The following DNAAF9 variants were observed in gnomAD, a reference collection of about 807,000 sequenced individuals.
DNAAF9 encodes shulin.
A neutral mutation model predicts 167.0 loss-of-function variants in DNAAF9; 90 were observed. The ratio of observed to expected loss-of-function variants is 0.54; its 90% CI spans 0.45 to 0.64. The LOEUF (loss-of-function observed/expected upper bound fraction) is 0.64, where lower values mean the gene tolerates loss of function less well. Ranked by LOEUF, DNAAF9 falls within the 30% of genes least tolerant of loss-of-function variation. The probability of loss-of-function intolerance (pLI) is 0.00; values close to 1 mark genes in which losing one functional copy is unlikely to be tolerated. For missense variants in DNAAF9, 1,315 were observed against 1,442.2 expected (o/e 0.91, Z 1.43); for synonymous variants, 491 against 508.8 (o/e 0.96, Z 0.47).
chr20:3,348,453 A>G lies in DNAAF9; in HGVS notation c.789+72T>C, dbSNP rs151126982. ...TTGATAGTGTTGTATTTTGAAAAAAATTTAATAAAAAATTAAAACAATAAA... is the reference window on the plus strand; with the variant it reads ...TTGATAGTGTTGTATTTTGAAAAAAGTTTAATAAAAAATTAAAACAATAAA... On this transcript the variant is annotated intron_variant, in intron 8 of 36. Coordinates refer to ENST00000252032, the MANE Select transcript of DNAAF9 (RefSeq NM_001009984.3). The G allele has an allele frequency of 3.0e-3, 2,550 of 836,484 alleles. 34 individuals carry two copies. In the African/African-American group the frequency reaches 0.04, roughly 13 times the overall value. The allele number at this position is 836,484 out of a possible 1,614,324, so 51.8% of individuals were successfully genotyped here. A position where few individuals can be genotyped will look rare whatever the true frequency, so the allele number is the denominator to read the frequency against.
intron 31 of DNAAF9, among the ~76,000 whole-genome samples, chr20:3,261,379 AT>A (rs1471176583): frequency 1.3e-5 from 2 of 150,164 alleles, no homozygotes; most frequent in African/African-American, 4.9e-5. Flanking sequence ...ATTTTATTTT[AT>A]TTTTTTGAGA....
intron 29 of DNAAF9, among the ~76,000 whole-genome samples, chr20:3,271,617 T>G (rs2068593827): frequency 7.1e-6 from 1 of 140,110 alleles, no homozygotes; most frequent in African/African-American, 2.9e-5. Context: ...AATTTTTATT[T>G]ACTTCTTCTT....
At chr20:3,283,933 TCCA>T (rs1404818577) in intron 27 of DNAAF9, among the ~76,000 whole-genome samples, 1 of 152,136 alleles carries the variant, frequency 6.6e-6, no homozygotes, top group Non-Finnish European at 1.5e-5. Flanking sequence ...TTCATTAATT[TCCA>T]TTGACTTTAA....
At chr20:3,274,491 T>C (rs566133623) in intron 29 of DNAAF9, among the ~76,000 whole-genome samples, 3 of 152,198 alleles carry the variant, frequency 2.0e-5, no homozygotes, top group Non-Finnish European at 4.4e-5. Context: ...GCTACCATAA[T>C]GTAAAGACTA....
chr20:3,400,272 T>A (rs916923531), intron 1 of DNAAF9, among the ~76,000 whole-genome samples: 1 of 152,138 alleles, frequency 6.6e-6, no homozygotes, highest in South Asian at 2.1e-4. Flanking sequence ...CTGAGTTGGA[T>A]CCTGGAACAG....
chr20:3,349,035 C>T (rs554349486), intron 7 of DNAAF9, among the ~76,000 whole-genome samples: 2 of 151,726 alleles, frequency 1.3e-5, no homozygotes, highest in South Asian at 2.1e-4. Context: ...TATTATGGTA[C>T]ATAAATTATA....
intron 7 of DNAAF9, among the ~76,000 whole-genome samples, chr20:3,350,821 G>A (rs904276443): frequency 2.6e-5 from 4 of 152,128 alleles, no homozygotes; most frequent in Admixed American, 1.3e-4. Flanking sequence ...CGTCACTGAA[G>A]ATGGTAGTAA....
chr20:3,356,683 G>A (rs905478502), intron 7 of DNAAF9, among the ~76,000 whole-genome samples: 2 of 152,008 alleles, frequency 1.3e-5, no homozygotes, highest in African/African-American at 4.8e-5. Flanking sequence ...GACTGTTACA[G>A]TCTGTTCTAT....
chr20:3,378,399 G>A (rs572928926), intron 3 of DNAAF9, among the ~76,000 whole-genome samples: 29 of 152,342 alleles, frequency 1.9e-4, no homozygotes, highest in African/African-American at 6.7e-4. Context: ...CCAGTGGAAA[G>A]AGCTTCTATA....
chr20:3,288,928 C>T (rs1374048269), intron 26 of DNAAF9, among the ~76,000 whole-genome samples: 1 of 152,152 alleles, frequency 6.6e-6, no homozygotes, highest in Non-Finnish European at 1.5e-5. Context: ...GCACTCCCAG[C>T]CCTCTACATT....
intron 9 of DNAAF9, among the ~76,000 whole-genome samples, chr20:3,342,495 C>T (rs973637210): frequency 9.9e-5 from 15 of 152,194 alleles, no homozygotes; most frequent in Middle Eastern, 3.4e-3. Flanking sequence ...ATTGGTATGT[C>T]GTAGTTCTCA....
intron 26 of DNAAF9, 50 bp from the exon 27 acceptor site, chr20:3,287,840 C>T (rs1370229984): frequency 1.3e-6 from 2 of 1,521,658 alleles, no homozygotes; most frequent in Non-Finnish European, 1.8e-6. Context: ...GATGGCCTAG[C>T]TCCATAGGTT....
intron 28 of DNAAF9, among the ~76,000 whole-genome samples, chr20:3,280,569 GA>G (rs201495872): frequency 0.26 from 37,072 of 142,352 alleles, 5,130 homozygotes; most frequent in African/African-American, 0.38. Flanking sequence ...CCATCTCAAA[GA>G]AAAAAAAAAA....
intron 10 of DNAAF9, among the ~76,000 whole-genome samples, chr20:3,339,743 G>A (rs2070040885): frequency 6.6e-6 from 1 of 152,190 alleles, no homozygotes; most frequent in Admixed American, 6.5e-5. Flanking sequence ...AGGGAAGACA[G>A]GAAGCCTACA....
chr20:3,340,695 C>T (rs1369814784), intron 9 of DNAAF9, 56 bp from the exon 10 acceptor site: 14 of 1,544,924 alleles, frequency 9.1e-6, no homozygotes, highest in Non-Finnish European at 1.3e-5. Flanking sequence ...CCAAGGCAAC[C>T]TTCCATGACC....
At chr20:3,342,625 C>A (rs1351419423) in intron 9 of DNAAF9, among the ~76,000 whole-genome samples, 2 of 152,110 alleles carry the variant, frequency 1.3e-5, no homozygotes, top group Non-Finnish European at 1.5e-5. Context: ...AAGCTACAGG[C>A]AAACAAGGCT....
chr20:3,286,279 A>G (rs765663726), intron 27 of DNAAF9, among the ~76,000 whole-genome samples: 30 of 152,332 alleles, frequency 2.0e-4, no homozygotes, highest in Admixed American at 2.6e-4. Context: ...GGTTTACAGT[A>G]TAAGAGTGGT....
chr20:3,315,215 C>T lies in DNAAF9; in HGVS notation c.1591-95G>A, dbSNP rs1263401664. On this transcript the variant is annotated intron_variant, in intron 19 of 36. Coordinates refer to ENST00000252032, the MANE Select transcript of DNAAF9 (RefSeq NM_001009984.3). The surrounding 1 kb of genome is among the most constrained non-coding windows in gnomAD (Gnocchi z 4.1). The stretch of plus-strand genomic sequence containing the variant: ...ATCAAAAGTCCTGCCCAATTATGTC[C>T]GTCTACAAAAGCTGAGTCAGGCTCA... The T allele has an allele frequency of 3.1e-5, 25 of 807,540 alleles. No individual in the cohort carries two copies. In the East Asian group the frequency reaches 3.7e-4, roughly 12 times the overall value. The allele number at this position is 807,540 out of a possible 1,614,324, so 50.0% of individuals were successfully genotyped here. A position where few individuals can be genotyped will look rare whatever the true frequency, so the allele number is the denominator to read the frequency against.
At chr20:3,301,077 C>A (rs1233793422) in intron 21 of DNAAF9, among the ~76,000 whole-genome samples, 1 of 149,912 alleles carries the variant, frequency 6.7e-6, no homozygotes, top group Non-Finnish European at 1.5e-5. Context: ...TGCAGTGGTA[C>A]AATCACAGCT....
Sources: allele counts gnomAD v4.1 joint callset (sites outside exome capture counted in the v4.1 genomes callset), GRCh38; gene constraint gnomAD v4.1.1; non-coding constraint Gnocchi (gnomAD v3.1); transcripts MANE v1.5; gene names NCBI Gene and HGNC (gene_info 2026-07-23, HGNC 2026-07-21).